Variants in DNASE1L3 observed in about 807,000 individuals in gnomAD.
The protein encoded by DNASE1L3 is deoxyribonuclease gamma.
A neutral mutation model predicts 30.9 loss-of-function variants in DNASE1L3; 27 were observed. The ratio of observed to expected loss-of-function variants is 0.87; its 90% CI spans 0.64 to 1.20. The LOEUF (loss-of-function observed/expected upper bound fraction) is 1.20. Among genes scored for constraint, DNASE1L3 ranks in the 50% most tolerant of loss-of-function variants. The pLI, the probability that DNASE1L3 is intolerant of heterozygous loss-of-function variation, is 0.00. For synonymous variants in DNASE1L3, 135 were observed against 138.0 expected, an observed-to-expected ratio of 0.98 and a Z score of 0.15; for missense variants, 364 against 378.2, an observed-to-expected ratio of 0.96 and a Z score of 0.31.
At chr3:58,204,703 C>T in intron 4 of DNASE1L3, 66 bp downstream of exon 4, 1 of 1,399,520 alleles carries the variant, frequency 7.1e-7, no homozygotes, top group Non-Finnish European at 1.0e-6. Context: ...GGCTCATGCT[C>T]AAGGCTGCTG....
chr3:58,197,807 G>T lies in DNASE1L3; in HGVS notation c.704+14C>A. ...CACTGTGGTGAGCCAGCAGCACCCT[G>T]CAGGGCCTCCTACCTGTCATATGCA... is the stretch of plus-strand genomic sequence containing the variant. On this transcript the variant is annotated intron_variant, in intron 6 of 7. Transcript: ENST00000394549. This position sits in a 1 kb window ranked among gnomAD's most constrained non-coding sequence, Gnocchi z 5.3. The T allele has an allele frequency of 6.2e-7, 1 of 1,613,264 alleles. No homozygotes were observed. The highest frequency in any genetic ancestry group is 8.5e-7 in the Non-Finnish European group (1 of 1,179,974).
At chr3:58,208,055 A>T (rs2097405234) in intron 2 of DNASE1L3, 163 bp downstream of exon 2, 2 of 569,988 alleles carry the variant, frequency 3.5e-6, no homozygotes, top group Admixed American at 6.0e-5. Context: ...ACTGGTTGAA[A>T]GTTCTCAGGA....
At chr3:58,195,187 G>A (rs1324621330) in intron 6 of DNASE1L3, among the ~76,000 whole-genome samples, 1 of 152,138 alleles carries the variant, frequency 6.6e-6, no homozygotes, top group Non-Finnish European at 1.5e-5. Flanking sequence ...ATGTGAACAT[G>A]GAACAAAGAC....
At position 58,208,194 on chromosome 3, in the gene DNASE1L3, A is replaced by G. The variant is rs777625921; in HGVS notation, c.230+24T>C. 5 of 1,612,396 alleles carry G rather than the reference A, an allele frequency of 3.1e-6. No homozygotes were observed. In the Admixed American group the frequency reaches 8.3e-5, roughly 27 times the overall value. On this transcript the variant is annotated intron_variant, in intron 2 of 7. Transcript: ENST00000394549. The stretch of plus-strand genomic sequence containing the variant: ...CCTTGCACTTGACCTTGAGCCCTAG[A>G]GGGCCCACCCTTCCCCATGTTACCT...
chr3:58,192,347 G>C lies in DNASE1L3; in HGVS notation c.*340C>G, dbSNP rs763279279. On this transcript the variant is annotated 3_prime_UTR_variant, in exon 8 of 8. Transcript: ENST00000394549. The surrounding 1 kb of genome is among the most constrained non-coding windows in gnomAD (Gnocchi z 4.8). ...TTGCGTGTGGAACAGGACCCCTCAT[G>C]AGGACTGAAAGCTGACGCTCTTCCT... 1 of 188,746 alleles carries C rather than the reference G, an allele frequency of 5.3e-6. No individual in the cohort carries two copies. Among genetic ancestry groups the C allele is most frequent in the South Asian group, 1.2e-4 (1 of 8,540 alleles). 11.7% of individuals were successfully genotyped at this position (188,746 alleles called of 1,614,324 possible).
In DNASE1L3 at chr3:58,200,134, C is replaced by T. The variant is rs1251750567; in HGVS notation, c.546+863G>A. On this transcript the variant is annotated intron_variant, in intron 5 of 7. Coordinates refer to ENST00000394549, the MANE Select transcript of DNASE1L3 (RefSeq NM_004944.4). The surrounding 1 kb of genome is among the most constrained non-coding windows in gnomAD (Gnocchi z 4.2). ...CTATAGGGATGGCAAATATGTGCCC[C>T]CTTCTGTGAAAACAGCACCCCAAGT... Among the ~76,000 whole-genome samples, 1 of 152,172 alleles carries T rather than the reference C, an allele frequency of 6.6e-6. No homozygotes were observed. The highest frequency in any genetic ancestry group is 1.5e-5 in the Non-Finnish European group (1 of 68,044).
chr3:58,197,873 C>T lies in DNASE1L3; in HGVS notation c.652G>A (p.Gly218Arg), dbSNP rs1363344312. The T allele has an allele frequency of 5.6e-6, 9 of 1,614,052 alleles. No homozygotes were observed. Among genetic ancestry groups the T allele is most frequent in the African/African-American group, 4.0e-5 (3 of 74,924 alleles). Residue 218 changes from glycine to arginine, a missense_variant, in exon 6 of 8, where the codon GGG (glycine) becomes AGG (arginine). By Grantham distance (125) the Gly-to-Arg change is moderately radical. Coordinates refer to ENST00000394549, the MANE Select transcript of DNASE1L3 (RefSeq NM_004944.4). The surrounding 1 kb of genome is among the most constrained non-coding windows in gnomAD (Gnocchi z 5.3). The part of the protein sequence containing the change: ...RTDPRFVWLI[G>R]DQEDTTVKKS... ...TTCACCGTGGTGTCCTCTTGGTCCC[C>T]GATCAGCCAAACAAACCTGGGGTCA... is the stretch of plus-strand genomic sequence containing the variant.
chr3:58,199,395 C>A (rs1006593753), intron 5 of DNASE1L3, among the ~76,000 whole-genome samples: 1 of 152,108 alleles, frequency 6.6e-6, no homozygotes, highest in Non-Finnish European at 1.5e-5. Flanking sequence ...CCCAGCCAGG[C>A]GCCGTGGCTC....
At position 58,195,613 on chromosome 3, in the gene DNASE1L3, C is replaced by CAAAAAAAA. The variant is rs34773952; in HGVS notation, c.705-2182_705-2175dup. Among the ~76,000 whole-genome samples the CAAAAAAAA allele has an allele frequency of 1.4e-3, 53 of 38,448 alleles. 6 individuals are homozygous for CAAAAAAAA. The highest frequency in any genetic ancestry group is 1.9e-3 in the Admixed American group (6 of 3,084). 25.2% of individuals were successfully genotyped at this position (38,448 alleles called of 152,430 possible). ...CGAAACCCCATCTCTACTAAAATTACAAAAAAAAAAAAAAAAAAAAAAAAA... is the reference window on the plus strand; with the variant it reads ...CGAAACCCCATCTCTACTAAAATTACAAAAAAAAAAAAAAAAAAAAAAAAAAAAAAAAA... On this transcript the variant is annotated intron_variant, in intron 6 of 7. Transcript: ENST00000394549.
At position 58,200,924 on chromosome 3, in the gene DNASE1L3, A is replaced by G; in HGVS notation, c.546+73T>C. ...CCCTTCCTCCTCCCCCTCCCTGGAG[A>G]GGTACTCATCCCACTCAGGGACCAG... On this transcript the variant is annotated intron_variant, in intron 5 of 7. Coordinates refer to ENST00000394549, the MANE Select transcript of DNASE1L3 (RefSeq NM_004944.4). This position sits in a 1 kb window ranked among gnomAD's most constrained non-coding sequence, Gnocchi z 4.2. 8.3e-7 allele frequency: 1 copy of G among 1,204,642 alleles called. No individual in the cohort carries two copies. The highest frequency in any genetic ancestry group is 1.2e-6 in the Non-Finnish European group (1 of 833,314). The allele number at this position is 1,204,642 out of a possible 1,614,324, so 74.6% of individuals were successfully genotyped here.
chr3:58,206,462 T>C (rs575421283), intron 2 of DNASE1L3, among the ~76,000 whole-genome samples: 9 of 152,222 alleles, frequency 5.9e-5, no homozygotes, highest in African/African-American at 1.9e-4. Context: ...GGCTTCCACT[T>C]TGGGGAGACT....
At chr3:58,195,821 A>G (rs1026134359) in intron 6 of DNASE1L3, among the ~76,000 whole-genome samples, 2 of 152,100 alleles carry the variant, frequency 1.3e-5, no homozygotes, top group Non-Finnish European at 1.5e-5. Flanking sequence ...AGAGTTATAC[A>G]TGTTGTTATG....
intron 3 of DNASE1L3, 53 bp downstream of exon 3, chr3:58,205,418 T>G: frequency 6.7e-7 from 1 of 1,484,280 alleles, no homozygotes; most frequent in Admixed American, 1.7e-5. Flanking sequence ...GCATTTTGAT[T>G]CAATTCACGA....
At chr3:58,209,978 G>C (rs778484087) in intron 1 of DNASE1L3, among the ~76,000 whole-genome samples, 1 of 152,144 alleles carries the variant, frequency 6.6e-6, no homozygotes, top group Non-Finnish European at 1.5e-5. Flanking sequence ...AGCAAGCAGT[G>C]TCCCCGGACA....
At chr3:58,198,663 T>TA (rs1166956461) in intron 5 of DNASE1L3, among the ~76,000 whole-genome samples, 1 of 152,108 alleles carries the variant, frequency 6.6e-6, no homozygotes, top group Non-Finnish European at 1.5e-5. Context: ...CAGGTGTGGA[T>TA]AAAAAAAATT....
In DNASE1L3 at chr3:58,192,304, C is replaced by A; in HGVS notation, c.*383G>T. On this transcript the variant is annotated 3_prime_UTR_variant, in exon 8 of 8. Coordinates refer to ENST00000394549, the MANE Select transcript of DNASE1L3 (RefSeq NM_004944.4). The surrounding 1 kb of genome is among the most constrained non-coding windows in gnomAD (Gnocchi z 4.8). ...GCCCAAATCACAGGGGCAGCTGGGG[C>A]CTTGGTGTTTCTGGTCATTGCGTGT... 1 of 157,472 alleles carries A rather than the reference C, an allele frequency of 6.4e-6. No homozygotes were observed. The highest frequency in any genetic ancestry group is 1.4e-5 in the Non-Finnish European group (1 of 72,168). 9.8% of individuals were successfully genotyped at this position (157,472 alleles called of 1,614,324 possible). A position where few individuals can be genotyped will look rare whatever the true frequency, so the allele number is the denominator to read the frequency against.
At chr3:58,193,910 C>A (rs1168093748) in intron 6 of DNASE1L3, among the ~76,000 whole-genome samples, 1 of 152,200 alleles carries the variant, frequency 6.6e-6, no homozygotes, top group Non-Finnish European at 1.5e-5. Flanking sequence ...AGAATTAAGG[C>A]AGAATTTAAC....
chr3:58,210,163 GAAAC>G (rs768003751), intron 1 of DNASE1L3, among the ~76,000 whole-genome samples: 3 of 144,284 alleles, frequency 2.1e-5, no homozygotes, highest in African/African-American at 5.1e-5. Flanking sequence ...AAGGAAGAAA[GAAAC>G]AAAGAAAAAG....
At chr3:58,202,182 G>A (rs1575497969) in intron 4 of DNASE1L3, among the ~76,000 whole-genome samples, 1 of 131,594 alleles carries the variant, frequency 7.6e-6, no homozygotes. Context: ...TTTCGTTCTT[G>A]TTGCCCAGGC....
Sources: gnomAD v4.1 joint callset for allele counts (sites outside exome capture counted in the v4.1 genomes callset) on GRCh38, gnomAD v4.1.1 for gene constraint, Gnocchi (gnomAD v3.1) non-coding constraint, MANE v1.5 for transcripts, NCBI Gene and HGNC (gene_info 2026-07-23, HGNC 2026-07-21) for gene names.